The following ADCY2 variants were observed in gnomAD, a reference collection of about 807,000 sequenced individuals.
ADCY2 encodes the protein adenylate cyclase type 2.
In ADCY2, 31 loss-of-function variants were observed where a neutral mutation model predicts 125.2. That is an observed-to-expected ratio of 0.25 (90% confidence interval 0.19 to 0.33). ADCY2 has a LOEUF of 0.33. Among genes scored for constraint, ADCY2 ranks in the 10% least tolerant of loss-of-function variants. The pLI, the probability that ADCY2 is intolerant of heterozygous loss-of-function variation, is 1.00. For missense variants in ADCY2, 904 were observed against 1,418.2 expected (o/e 0.64, Z 5.82); for synonymous variants, 512 against 548.4 (o/e 0.93, Z 0.93).
At chr5:7,540,857 G>T (rs1554018038) in intron 3 of ADCY2, among the ~76,000 whole-genome samples, 2 of 152,142 alleles carry the variant, frequency 1.3e-5, no homozygotes, top group Non-Finnish European at 2.9e-5. Flanking sequence ...TCAGGGGGTG[G>T]GAGCAAGGGA....
At chr5:7,631,843 C>T (rs919121414) in intron 4 of ADCY2, among the ~76,000 whole-genome samples, 19 of 152,260 alleles carry the variant, frequency 1.2e-4, no homozygotes, top group African/African-American at 1.9e-4. Flanking sequence ...TCTGCTTGGA[C>T]ATGTGGTGGT....
chr5:7,724,134 A>AT (rs1741858971), intron 12 of ADCY2, among the ~76,000 whole-genome samples: 1 of 148,872 alleles, frequency 6.7e-6, no homozygotes, highest in Non-Finnish European at 1.5e-5. Flanking sequence ...AAAAAAAAAA[A>AT]AAAAGGTGCT....
chr5:7,683,242 C>A (rs1247091066), intron 4 of ADCY2, among the ~76,000 whole-genome samples: 1 of 152,148 alleles, frequency 6.6e-6, no homozygotes, highest in East Asian at 1.9e-4. Context: ...GAGCTTTTAC[C>A]CTGAAGCTGC....
intron 2 of ADCY2, among the ~76,000 whole-genome samples, chr5:7,478,728 G>A (rs1315188110): frequency 1.3e-5 from 2 of 152,044 alleles, no homozygotes; most frequent in Non-Finnish European, 2.9e-5. Context: ...AACTGATACC[G>A]AAAGTGTGTT....
At chr5:7,730,949 C>A (rs1422397466) in intron 14 of ADCY2, among the ~76,000 whole-genome samples, 1 of 152,048 alleles carries the variant, frequency 6.6e-6, no homozygotes, top group Non-Finnish European at 1.5e-5. Context: ...CTGGAAAATT[C>A]TCTGCCTCTA....
intron 4 of ADCY2, among the ~76,000 whole-genome samples, chr5:7,655,805 G>A (rs905478938): frequency 5.3e-5 from 8 of 152,178 alleles, no homozygotes; most frequent in African/African-American, 1.9e-4. Flanking sequence ...CAGTTAGATG[G>A]TGTAGGAATT....
chr5:7,822,760 CTATT>C (rs1253363004), intron 24 of ADCY2, among the ~76,000 whole-genome samples: 1 of 152,120 alleles, frequency 6.6e-6, no homozygotes, highest in East Asian at 1.9e-4. Flanking sequence ...GCTGAACACT[CTATT>C]TGTCTCACTC....
Position 7,723,920 on chromosome 5 carries a change from C to CAAAAAAAAAA in ADCY2, c.1704-610_1704-601dup, listed in dbSNP as rs70940756. 5.4e-4 allele frequency among the ~76,000 whole-genome samples: 29 copies of CAAAAAAAAAA among 53,718 alleles called. 1 individual carries two copies. The highest frequency in any genetic ancestry group is 8.2e-4 in the African/African-American group (8 of 9,756). The allele number at this position is 53,718 out of a possible 152,430, so 35.2% of individuals were successfully genotyped here. A position where few individuals can be genotyped will look rare whatever the true frequency, so the allele number is the denominator to read the frequency against. ...TGGGTGACAGAGTGAGACTCAGTCT[C>CAAAAAAAAAA]AAAAAAAAAAAAAAAAAAAAAAAAG... On this transcript the variant is annotated intron_variant, in intron 12 of 24. Coordinates refer to ENST00000338316, the MANE Select transcript of ADCY2 (RefSeq NM_020546.3).
intron 3 of ADCY2, among the ~76,000 whole-genome samples, chr5:7,538,196 A>G (rs1283023049): frequency 1.3e-5 from 2 of 152,218 alleles, no homozygotes; most frequent in East Asian, 3.9e-4. Context: ...GAATAAAAAT[A>G]CATGTTTCCC....
chr5:7,534,737 C>G (rs2126551210), intron 3 of ADCY2, among the ~76,000 whole-genome samples: 1 of 152,310 alleles, frequency 6.6e-6, no homozygotes, highest in African/African-American at 2.4e-5. Context: ...AGACCTGTTT[C>G]TGGGCAGACG....
chr5:7,628,070 A>G (rs926574394), intron 4 of ADCY2, among the ~76,000 whole-genome samples: 1 of 152,142 alleles, frequency 6.6e-6, no homozygotes, highest in Non-Finnish European at 1.5e-5. Flanking sequence ...TTATGTACCT[A>G]TTTTCAGTAA....
chr5:7,513,007 G>A (rs1744122301), intron 2 of ADCY2, among the ~76,000 whole-genome samples: 1 of 151,550 alleles, frequency 6.6e-6, no homozygotes, highest in Non-Finnish European at 1.5e-5. Context: ...ATGGGAAGAG[G>A]TGATTTCTCA....
intron 1 of ADCY2, among the ~76,000 whole-genome samples, chr5:7,400,330 G>A (rs550471967): frequency 1.3e-5 from 2 of 152,148 alleles, no homozygotes; most frequent in East Asian, 3.9e-4. Context: ...GGCCCACCTT[G>A]TTTCTTTTAT....
intron 4 of ADCY2, among the ~76,000 whole-genome samples, chr5:7,656,054 C>CTTTTTTT (rs1272806102): frequency 7.6e-6 from 1 of 132,368 alleles, no homozygotes; most frequent in African/African-American, 2.8e-5. Flanking sequence ...TTTTCATTTT[C>CTTTTTTT]TTTTTTTTTT....
At chr5:7,449,039 C>T (rs1196451857) in intron 2 of ADCY2, among the ~76,000 whole-genome samples, 2 of 152,184 alleles carry the variant, frequency 1.3e-5, no homozygotes, top group Non-Finnish European at 2.9e-5. Flanking sequence ...TTCTAGACCT[C>T]TGAGGAATCA....
intron 18 of ADCY2, among the ~76,000 whole-genome samples, chr5:7,781,927 A>G (rs1650461619): frequency 6.6e-6 from 1 of 152,200 alleles, no homozygotes; most frequent in South Asian, 2.1e-4. Flanking sequence ...TCTATCCACA[A>G]GTGGCCCACA....
At chr5:7,645,363 C>T (rs372880665) in intron 4 of ADCY2, among the ~76,000 whole-genome samples, 72 of 152,240 alleles carry the variant, frequency 4.7e-4, no homozygotes, top group East Asian at 2.1e-3. Flanking sequence ...AAAGCGGAGC[C>T]GGCATTTGCA....
intron 3 of ADCY2, among the ~76,000 whole-genome samples, chr5:7,589,385 AAAAG>A (rs767233508): frequency 1.9e-4 from 29 of 150,622 alleles, no homozygotes; most frequent in African/African-American, 4.4e-4. Context: ...CTGGCAAAAA[AAAAG>A]AAAGAAAGAA....
At chr5:7,791,058 G>C (rs1560999894) in intron 20 of ADCY2, among the ~76,000 whole-genome samples, 1 of 151,818 alleles carries the variant, frequency 6.6e-6, no homozygotes, top group Non-Finnish European at 1.5e-5. Context: ...TTTTGGGGGG[G>C]TGTCTATTCT....
Sources: gnomAD v4.1 joint callset for allele counts (sites outside exome capture counted in the v4.1 genomes callset) on GRCh38, gnomAD v4.1.1 for gene constraint, MANE v1.5 for transcripts, NCBI Gene and HGNC (gene_info 2026-07-23, HGNC 2026-07-21) for gene names.